Variants in WIPF1 observed in about 807,000 individuals in gnomAD.
WIPF1 encodes the protein WAS/WASL interacting protein family member 1.
In WIPF1, 13 loss-of-function variants were observed where a neutral mutation model predicts 35.4. The observed-to-expected ratio is 0.37, with a 90% CI of 0.24 to 0.58. WIPF1 has a LOEUF of 0.58. WIPF1 is among the 20% of genes least tolerant of loss of function. The pLI, the probability that WIPF1 is intolerant of heterozygous loss-of-function variation, is 0.74. For synonymous variants in WIPF1, 267 were observed against 266.3 expected (o/e 1.00, Z -0.02); for missense variants, 591 against 667.0 (o/e 0.89, Z 1.25).
chr2:174,611,325 T>A (rs1686337503), intron 1 of WIPF1, among the ~76,000 whole-genome samples: 1 of 152,152 alleles, frequency 6.6e-6, no homozygotes, highest in Admixed American at 6.5e-5. Context: ...TCCAAAGTCC[T>A]TTGGGGGTTA....
chr2:174,571,363 A>T lies in WIPF1; in HGVS notation c.1129+313T>A. On this transcript the variant is annotated intron_variant, in intron 5 of 7. Coordinates refer to ENST00000679041, the MANE Select transcript of WIPF1 (RefSeq NM_001375834.1). This position sits in a 1 kb window ranked among gnomAD's most constrained non-coding sequence, Gnocchi z 4.6. ...GAAATTCTCTCTAGGGAGGCAGGGT[A>T]GTGGACTGGCAAGTACACTTCAGAG... is the stretch of plus-strand genomic sequence containing the variant. 1 of 568,476 alleles carries T rather than the reference A, an allele frequency of 1.8e-6. No homozygotes were observed. 35.2% of individuals were successfully genotyped at this position (568,476 alleles called of 1,614,324 possible).
chr2:174,568,907 G>A (rs1684749189), intron 5 of WIPF1: 1 of 152,124 alleles, frequency 6.6e-6, no homozygotes, highest in Non-Finnish European at 1.5e-5. Flanking sequence ...ATAACCATAA[G>A]TTTTTAAGTT....
intron 1 of WIPF1, among the ~76,000 whole-genome samples, chr2:174,637,944 T>C (rs1220795121): frequency 6.6e-6 from 1 of 152,254 alleles, no homozygotes; most frequent in Non-Finnish European, 1.5e-5. Flanking sequence ...TCATGTCTTT[T>C]TTTCCTCCTT....
chr2:174,599,714 G>A (rs571858789), upstream of WIPF1, among the ~76,000 whole-genome samples: 5 of 152,164 alleles, frequency 3.3e-5, no homozygotes, highest in African/African-American at 9.6e-5. Flanking sequence ...GAACATGGGC[G>A]ATATGACAAT....
chr2:174,594,118 T>C (rs980757129), intron 1 of WIPF1, among the ~76,000 whole-genome samples: 1 of 152,270 alleles, frequency 6.6e-6, no homozygotes, highest in Non-Finnish European at 1.5e-5. Flanking sequence ...TCAATCATCA[T>C]TGAAAAACAA....
At chr2:174,649,497 T>G (rs1173193736) in intron 1 of WIPF1, among the ~76,000 whole-genome samples, 1 of 152,192 alleles carries the variant, frequency 6.6e-6, no homozygotes, top group Non-Finnish European at 1.5e-5. Flanking sequence ...GTCACCCCTA[T>G]AGTTTAGAGC....
At chr2:174,660,951 C>A (rs1378886407) in intron 1 of WIPF1, among the ~76,000 whole-genome samples, 1 of 152,238 alleles carries the variant, frequency 6.6e-6, no homozygotes, top group African/African-American at 2.4e-5. Flanking sequence ...CTGGAAAGCA[C>A]CTGACGGAGG....
intron 1 of WIPF1, among the ~76,000 whole-genome samples, chr2:174,658,837 A>G (rs1687698896): frequency 1.3e-5 from 2 of 151,964 alleles, no homozygotes; most frequent in Non-Finnish European, 2.9e-5. Context: ...ACTTACAAAA[A>G]ACATACACAA....
intron 1 of WIPF1, among the ~76,000 whole-genome samples, chr2:174,635,529 GTTTTTTT>G (rs1197924942): frequency 2.6e-5 from 3 of 115,624 alleles, no homozygotes; most frequent in Non-Finnish European, 5.1e-5. Flanking sequence ...CCTTCTGTTT[GTTTTTTT>G]TTTTTTTTTT....
chr2:174,635,548 T>G (rs7580287), intron 1 of WIPF1, among the ~76,000 whole-genome samples: 63,852 of 143,876 alleles, frequency 0.44, 14,782 homozygotes, highest in Non-Finnish European at 0.48. Flanking sequence ...TTTTTTTTTT[T>G]TTTTTTGTGA....
rs759454389 is a variant in WIPF1, at chr2:174,581,466, G to C, written c.52-27C>G. ...TGAAAGGGAGCCATACAAACAAGTA[G>C]TCATCTCTTGGGTTAAAATCATGCA... On this transcript the variant is annotated intron_variant, in intron 2 of 7. Transcript: ENST00000679041. The C allele has an allele frequency of 1.4e-5, 22 of 1,610,118 alleles. 1 individual carries two copies. In the South Asian group the frequency reaches 2.1e-4, roughly 15 times the overall value.
intron 1 of WIPF1, among the ~76,000 whole-genome samples, chr2:174,657,631 G>A (rs902447286): frequency 4.6e-5 from 7 of 152,120 alleles, no homozygotes; most frequent in Admixed American, 2.6e-4. Context: ...AGTGGCTCAC[G>A]CCTGTAATCC....
chr2:174,618,584 G>A (rs1249332633), intron 1 of WIPF1, among the ~76,000 whole-genome samples: 1 of 152,206 alleles, frequency 6.6e-6, no homozygotes, highest in African/African-American at 2.4e-5. Flanking sequence ...CTCTGATTAT[G>A]TGCTAAGGAG....
intron 1 of WIPF1, among the ~76,000 whole-genome samples, chr2:174,654,102 A>G (rs1011825153): frequency 1.3e-5 from 2 of 152,260 alleles, no homozygotes; most frequent in African/African-American, 4.8e-5. Context: ...AACATATGAC[A>G]GAGGCAGTTT....
intron 3 of WIPF1, among the ~76,000 whole-genome samples, chr2:174,576,896 C>T (rs1685081416): frequency 6.6e-6 from 1 of 152,122 alleles, no homozygotes; most frequent in African/African-American, 2.4e-5. Context: ...AAGTCCTCTT[C>T]CCAAAAAACT....
intron 1 of WIPF1, among the ~76,000 whole-genome samples, chr2:174,593,704 C>G (rs910808028): frequency 1.1e-4 from 16 of 152,228 alleles, no homozygotes; most frequent in African/African-American, 3.6e-4. Context: ...GTTTCTTTAA[C>G]ACAATCTTTT....
intron 1 of WIPF1, chr2:174,676,969 G>C (rs1414667783): frequency 1.3e-5 from 2 of 152,106 alleles, no homozygotes; most frequent in Non-Finnish European, 2.9e-5. Flanking sequence ...CAAGACCAAA[G>C]GGAGACCCCA....
At chr2:174,660,370 A>C (rs1180059412) in intron 1 of WIPF1, among the ~76,000 whole-genome samples, 1 of 152,204 alleles carries the variant, frequency 6.6e-6, no homozygotes, top group Non-Finnish European at 1.5e-5. Flanking sequence ...TAAAATAATA[A>C]TAATTTTAAA....
chr2:174,639,196 G>A (rs1178758892), intron 1 of WIPF1, among the ~76,000 whole-genome samples: 3 of 152,166 alleles, frequency 2.0e-5, no homozygotes, highest in Non-Finnish European at 4.4e-5. Context: ...GCATTTCCCT[G>A]ATGAATAGTG....
Sources: allele counts gnomAD v4.1 joint callset (sites outside exome capture counted in the v4.1 genomes callset), GRCh38; gene constraint gnomAD v4.1.1; non-coding constraint Gnocchi (gnomAD v3.1); transcripts MANE v1.5; gene names NCBI Gene and HGNC (gene_info 2026-07-23, HGNC 2026-07-21).